The following KIF3C variants were observed in gnomAD, a reference collection of about 807,000 sequenced individuals.
KIF3C encodes the protein kinesin family member 3C, also known as kinesin-like protein KIF3C.
KIF3C carries 12 observed loss-of-function variants against 67.7 expected under a neutral mutation model. The ratio of observed to expected loss-of-function variants is 0.18; its 90% CI spans 0.11 to 0.29. The LOEUF is 0.29. Among genes scored for constraint, KIF3C ranks in the 10% least tolerant of loss-of-function variants. KIF3C has a pLI of 1.00. For synonymous variants in KIF3C, 393 were observed against 426.2 expected, an observed-to-expected ratio of 0.92 and a Z score of 0.96; for missense variants, 789 against 1,059.6, an observed-to-expected ratio of 0.74 and a Z score of 3.55.
rs186758784 is a variant in KIF3C at position 25,940,071 on chromosome 2, T to C, written c.2007-10008A>G. Among the ~76,000 whole-genome samples, 20 of 152,316 alleles carry C rather than the reference T, an allele frequency of 1.3e-4. No homozygotes were observed. The East Asian group carries it at 3.3e-3, about 25-fold the overall frequency. ...GCCCTTGTAGGGCACTTCTAAGGGA[T>C]AGAGCAGGCCGGTTTCTCCAGAGTC... On this transcript the variant is annotated intron_variant, in intron 5 of 7. Transcript: ENST00000264712.
At position 25,954,366 on chromosome 2, in the gene KIF3C, G is replaced by A. The variant is rs1217667955; in HGVS notation, c.1790C>T (p.Ala597Val). 2 of 1,613,584 alleles carry A rather than the reference G, an allele frequency of 1.2e-6. No homozygotes were observed. Among genetic ancestry groups the A allele is most frequent in the Non-Finnish European group, 1.7e-6 (2 of 1,179,892 alleles). ...CTGGTCCTGGATCTCCGCCTTCACC[G>A]CCTGCAGCTTGGCGTAGAGCTGGGT... The part of the protein sequence containing the change: ...KLKKLYAKLQ[A>V]VKAEIQDQHD... The change falls in exon 4 of 8, where the codon GCG becomes GTG. Residue 597 changes from alanine to valine, a missense_variant. Ala to Val is a moderately conservative substitution (Grantham distance 64, BLOSUM62 0). Coordinates refer to ENST00000264712, the MANE Select transcript of KIF3C (RefSeq NM_002254.8).
At chr2:25,969,536 A>G (rs1664226835) in intron 1 of KIF3C, among the ~76,000 whole-genome samples, 1 of 152,190 alleles carries the variant, frequency 6.6e-6, no homozygotes, top group East Asian at 1.9e-4. Context: ...CTTATTGTGA[A>G]AAATAAAATA....
At position 25,929,409 on chromosome 2, in the gene KIF3C, G is replaced by T. The variant is rs751687802; in HGVS notation, c.2184C>A (p.His728Gln). 5.0e-6 allele frequency: 8 copies of T among 1,613,890 alleles called. No individual in the cohort carries two copies. ...GCGCACGAGGGTCTTGTTCTTGGTCGTGAGAGAATTCCATCTCAAAGACAG... is the reference window on the plus strand; with the variant it reads ...GCGCACGAGGGTCTTGTTCTTGGTCTTGAGAGAATTCCATCTCAAAGACAG... ...PPAVFEMEFS[H>Q]DQEQDPRALH... Residue 728 changes from histidine (H) to glutamine (Q), a missense_variant, in exon 7 of 8, where the codon CAC becomes CAA. Coordinates refer to ENST00000264712, the MANE Select transcript of KIF3C (RefSeq NM_002254.8).
At chr2:25,935,901 C>A (rs1474130315) in intron 5 of KIF3C, among the ~76,000 whole-genome samples, 4 of 151,466 alleles carry the variant, frequency 2.6e-5, no homozygotes, top group Admixed American at 1.3e-4. Flanking sequence ...CACGGTGAAA[C>A]CCCATCTCTA....
intron 1 of KIF3C, among the ~76,000 whole-genome samples, chr2:25,975,725 G>T (rs916619482): frequency 6.6e-6 from 1 of 152,130 alleles, no homozygotes; most frequent in African/African-American, 2.4e-5. Context: ...TTGGGAGGCT[G>T]AGGCGGGTGG....
At chr2:25,951,949 G>A (rs1663626909) in intron 4 of KIF3C, 44 bp from the exon 5 acceptor site, 1 of 1,313,060 alleles carries the variant, frequency 7.6e-7, no homozygotes, top group African/African-American at 1.4e-5. Context: ...GGGTGAGCGA[G>A]AGACCACGTG....
At chr2:25,967,095 G>A (rs928931473) in intron 1 of KIF3C, among the ~76,000 whole-genome samples, 1 of 152,166 alleles carries the variant, frequency 6.6e-6, no homozygotes, top group Non-Finnish European at 1.5e-5. Context: ...TTTGGTATTT[G>A]TACCTTTGCC....
intron 5 of KIF3C, among the ~76,000 whole-genome samples, chr2:25,943,641 C>T (rs980772303): frequency 2.0e-5 from 3 of 152,150 alleles, no homozygotes; most frequent in East Asian, 1.9e-4. Context: ...GTCGGGAGTT[C>T]GAGACCAGCC....
intron 5 of KIF3C, among the ~76,000 whole-genome samples, chr2:25,936,312 A>G (rs2149223418): frequency 6.6e-6 from 1 of 152,244 alleles, no homozygotes; most frequent in South Asian, 2.1e-4. Flanking sequence ...AAGTGTTGGG[A>G]TTACAGGCAT....
chr2:25,975,301 C>G (rs1199910679), intron 1 of KIF3C, among the ~76,000 whole-genome samples: 2 of 152,262 alleles, frequency 1.3e-5, no homozygotes, highest in Non-Finnish European at 2.9e-5. Context: ...GCTGGGACTA[C>G]AGGTACACAC....
chr2:25,968,621 G>A (rs13402438), intron 1 of KIF3C, among the ~76,000 whole-genome samples: 43,098 of 151,878 alleles, frequency 0.28, 6,561 homozygotes, highest in Non-Finnish European at 0.35. Context: ...GATATATATA[G>A]TGTAGTCTGA....
intron 5 of KIF3C, among the ~76,000 whole-genome samples, chr2:25,946,660 C>T (rs1436571303): frequency 2.0e-5 from 3 of 152,170 alleles, no homozygotes. Flanking sequence ...TGCACTCCAG[C>T]CTGACGACAG....
In KIF3C at chr2:25,954,257, C is replaced by A. The variant is rs372514290; in HGVS notation, c.1889+10G>T. On this transcript the variant is annotated intron_variant, in intron 4 of 7. Transcript: ENST00000264712. ...TGGGGACCCGGGATGAAAAGAGCTG[C>A]GGGCCCTACTTGAGCTTGAGTTCGC... The A allele has an allele frequency of 6.2e-5, 99 of 1,601,504 alleles. No individual in the cohort carries two copies. In the Middle Eastern group the frequency reaches 1.5e-3, roughly 24 times the overall value.
intron 1 of KIF3C, among the ~76,000 whole-genome samples, chr2:25,957,243 C>G (rs1176978437): frequency 1.3e-5 from 2 of 152,182 alleles, no homozygotes; most frequent in Non-Finnish European, 2.9e-5. Context: ...GAATGACCAG[C>G]CTAAGGCCAT....
chr2:25,952,556 TATA>T lies in KIF3C; in HGVS notation c.1890-654_1890-652del, dbSNP rs1210663395. On this transcript the variant is annotated intron_variant, in intron 4 of 7. Transcript: ENST00000264712. ...GTGTGTGTGTGTGTGTGTGTATATA[TATA>T]TATATTTTTTTTTTTTTGAGACAGT... 9.1e-5 allele frequency among the ~76,000 whole-genome samples: 8 copies of T among 88,322 alleles called. No individual in the cohort carries two copies. In the East Asian group the frequency reaches 4.1e-3, roughly 46 times the overall value. 57.9% of individuals were successfully genotyped at this position (88,322 alleles called of 152,430 possible).
intron 1 of KIF3C, among the ~76,000 whole-genome samples, chr2:25,968,670 G>C (rs1477970649): frequency 1.3e-5 from 2 of 152,150 alleles, no homozygotes; most frequent in African/African-American, 4.8e-5. Flanking sequence ...GAGGGGTTAG[G>C]TTCGTGGTCC....
chr2:25,972,047 A>C (rs539864648), intron 1 of KIF3C, among the ~76,000 whole-genome samples: 1 of 151,848 alleles, frequency 6.6e-6, no homozygotes, highest in South Asian at 2.1e-4. Context: ...TTATTCATTC[A>C]AACATGCCAC....
intron 1 of KIF3C, among the ~76,000 whole-genome samples, chr2:25,962,788 A>AT (rs1559555076): frequency 2.4e-5 from 2 of 84,128 alleles, no homozygotes; most frequent in Admixed American, 1.9e-4. Context: ...TTATATATAT[A>AT]ATATATATTA....
At chr2:25,977,004 T>C (rs894224930) in intron 1 of KIF3C, among the ~76,000 whole-genome samples, 2 of 152,122 alleles carry the variant, frequency 1.3e-5, no homozygotes, top group Non-Finnish European at 2.9e-5. Flanking sequence ...TAGTATGTTA[T>C]CAAGCTCCCA....
Sources: allele counts gnomAD v4.1 joint callset (sites outside exome capture counted in the v4.1 genomes callset), GRCh38; gene constraint gnomAD v4.1.1; transcripts MANE v1.5; gene names NCBI Gene and HGNC (gene_info 2026-07-23, HGNC 2026-07-21).